Variants in FILIP1 observed in about 807,000 individuals in gnomAD.
FILIP1 encodes filamin A interacting protein 1.
Under a neutral mutation model 102.1 loss-of-function variants are expected in FILIP1, and 61 were observed. The observed-to-expected ratio is 0.60, with a 90% confidence interval of 0.49 to 0.74. FILIP1 has a LOEUF of 0.74. Among genes scored for constraint, FILIP1 ranks in the 30% least tolerant of loss-of-function variants. FILIP1 has a pLI of 0.00. For missense variants in FILIP1, 1,314 were observed against 1,441.2 expected (o/e 0.91, Z 1.43); for synonymous variants, 491 against 526.9 (o/e 0.93, Z 0.93).
chr6:75,486,880 T>G (rs1470149211), intron 1 of FILIP1, among the ~76,000 whole-genome samples: 1 of 152,038 alleles, frequency 6.6e-6, no homozygotes, highest in Non-Finnish European at 1.5e-5. Context: ...AGATAATATA[T>G]ATTACATGTA....
intron 1 of FILIP1, among the ~76,000 whole-genome samples, chr6:75,470,164 T>C (rs1016206919): frequency 6.6e-6 from 1 of 151,994 alleles, no homozygotes; most frequent in African/African-American, 2.4e-5. Context: ...AAGCTCAAGA[T>C]AATCAAAGGA....
intron 1 of FILIP1, among the ~76,000 whole-genome samples, chr6:75,438,030 A>G (rs1174383092): frequency 6.6e-6 from 1 of 152,218 alleles, no homozygotes; most frequent in Non-Finnish European, 1.5e-5. Flanking sequence ...GCATTGTAAC[A>G]ACTCCTGCAT....
At chr6:75,450,909 T>G (rs1006291487) in intron 1 of FILIP1, among the ~76,000 whole-genome samples, 3 of 152,066 alleles carry the variant, frequency 2.0e-5, no homozygotes, top group African/African-American at 7.2e-5. Context: ...GAGCCGAGAT[T>G]GCGCCATTGC....
chr6:75,428,810 G>A (rs1393754999), intron 1 of FILIP1, among the ~76,000 whole-genome samples: 1 of 152,062 alleles, frequency 6.6e-6, no homozygotes, highest in Non-Finnish European at 1.5e-5. Flanking sequence ...TGCAGACATG[G>A]TTTCAGTGTG....
At chr6:75,379,563 G>A (rs1775841912) in intron 2 of FILIP1, among the ~76,000 whole-genome samples, 1 of 152,174 alleles carries the variant, frequency 6.6e-6, no homozygotes, top group Admixed American at 6.5e-5. Context: ...GAAGAATCTG[G>A]GATGCGAAGT....
chr6:75,491,593 T>C (rs1779959618), intron 1 of FILIP1, among the ~76,000 whole-genome samples: 1 of 152,046 alleles, frequency 6.6e-6, no homozygotes, highest in Admixed American at 6.6e-5. Context: ...GTGGAAGACA[T>C]GGCAATGGAA....
chr6:75,433,313 T>C (rs567678272), intron 1 of FILIP1, among the ~76,000 whole-genome samples: 2 of 152,332 alleles, frequency 1.3e-5, no homozygotes, highest in African/African-American at 4.8e-5. Context: ...AGTGTTCCTA[T>C]TTCTCCACAT....
chr6:75,484,776 C>G (rs759520719), intron 1 of FILIP1, among the ~76,000 whole-genome samples: 8 of 152,186 alleles, frequency 5.3e-5, no homozygotes, highest in Non-Finnish European at 1.2e-4. Flanking sequence ...GCCATGTAAT[C>G]ATTGACATTG....
chr6:75,310,788 C>T (rs995781438), intron 5 of FILIP1, among the ~76,000 whole-genome samples: 2 of 152,150 alleles, frequency 1.3e-5, no homozygotes, highest in Non-Finnish European at 2.9e-5. Context: ...AAAGCAGTAT[C>T]GGACCACCTG....
chr6:75,416,783 A>G (rs928241315), intron 1 of FILIP1, among the ~76,000 whole-genome samples: 1 of 152,088 alleles, frequency 6.6e-6, no homozygotes, highest in Non-Finnish European at 1.5e-5. Context: ...CATACCAAAT[A>G]TTGATTTGAC....
At position 75,384,229 on chromosome 6, in the gene FILIP1, A is replaced by G. The variant is rs546806024; in HGVS notation, c.277-21312T>C. Among the ~76,000 whole-genome samples, 7 of 152,334 alleles carry G rather than the reference A, an allele frequency of 4.6e-5. No individual in the cohort carries two copies. The South Asian group carries it at 1.4e-3, about 32-fold the overall frequency. On this transcript the variant is annotated intron_variant, in intron 2 of 5. Transcript: ENST00000237172. Reference sequence around the variant, plus strand: ...AAAGATCAAATAATTGTGTTAGACTAGAATTCCACTTTGTTAACTTTGTTT... The same window carrying G: ...AAAGATCAAATAATTGTGTTAGACTGGAATTCCACTTTGTTAACTTTGTTT...
intron 1 of FILIP1, among the ~76,000 whole-genome samples, chr6:75,464,032 A>C (rs1779098247): frequency 1.3e-5 from 2 of 152,202 alleles, no homozygotes; most frequent in South Asian, 4.1e-4. Context: ...AGAAGGAAAT[A>C]TTATGCTTCA....
At chr6:75,479,161 A>G (rs553393896) in intron 1 of FILIP1, among the ~76,000 whole-genome samples, 4 of 152,320 alleles carry the variant, frequency 2.6e-5, no homozygotes, top group African/African-American at 9.6e-5. Context: ...TTTTCATATA[A>G]GAGTCTCTAG....
At chr6:75,382,099 A>G (rs2842449) in intron 2 of FILIP1, among the ~76,000 whole-genome samples, 4,084 of 152,246 alleles carry the variant, frequency 0.027, 197 homozygotes, top group African/African-American at 0.093. Context: ...ATCTGGTCCA[A>G]TTTCCCCACA....
chr6:75,348,565 A>T (rs1053977383), intron 4 of FILIP1, among the ~76,000 whole-genome samples: 2 of 152,214 alleles, frequency 1.3e-5, no homozygotes, highest in African/African-American at 4.8e-5. Flanking sequence ...TTAGGTACTT[A>T]ATTTGTGGAA....
At chr6:75,317,930 ATC>A (rs1322587280) in intron 4 of FILIP1, among the ~76,000 whole-genome samples, 1 of 152,218 alleles carries the variant, frequency 6.6e-6, no homozygotes, top group Non-Finnish European at 1.5e-5. Context: ...TAGACCTGCA[ATC>A]AAACTTCTTA....
At chr6:75,488,263 C>G (rs1228418313) in intron 1 of FILIP1, among the ~76,000 whole-genome samples, 1 of 152,128 alleles carries the variant, frequency 6.6e-6, no homozygotes, top group Non-Finnish European at 1.5e-5. Context: ...CTGCAATCAG[C>G]TGGTTAACAG....
intron 4 of FILIP1, among the ~76,000 whole-genome samples, chr6:75,335,398 G>C (rs4324739): frequency 6.6e-6 from 1 of 152,026 alleles, no homozygotes; most frequent in African/African-American, 2.4e-5. Flanking sequence ...GTCTGTTTCA[G>C]CATTTATACA....
intron 4 of FILIP1, among the ~76,000 whole-genome samples, chr6:75,343,682 C>G (rs927173862): frequency 6.6e-6 from 1 of 152,152 alleles, no homozygotes; most frequent in Non-Finnish European, 1.5e-5. Flanking sequence ...TTAGTTGTGA[C>G]AAATTTCTCT....
Sources: gnomAD v4.1 joint callset for allele counts (sites outside exome capture counted in the v4.1 genomes callset) on GRCh38, gnomAD v4.1.1 for gene constraint, MANE v1.5 for transcripts, NCBI Gene and HGNC (gene_info 2026-07-23, HGNC 2026-07-21) for gene names.